The following ISM2 variants were observed in gnomAD, a reference collection of about 807,000 sequenced individuals.
ISM2 encodes isthmin-2.
ISM2 carries 50 observed loss-of-function variants against 58.0 expected under a neutral mutation model. The ratio of observed to expected loss-of-function variants is 0.86; its 90% confidence interval spans 0.69 to 1.09. The LOEUF (loss-of-function observed/expected upper bound fraction) is 1.09. ISM2 is among the 50% of genes least tolerant of loss of function. ISM2 has a pLI of 0.00. For missense variants in ISM2, 723 were observed against 745.0 expected (o/e 0.97, Z 0.34); for synonymous variants, 303 against 312.4 (o/e 0.97, Z 0.32).
rs776082860 is a variant in ISM2 at position 77,475,960 on chromosome 14, G to A, written c.1351C>T (p.Arg451Cys). Residue 451 changes from arginine (R) to cysteine (C), a missense_variant, in exon 7 of 7, where the codon CGC becomes TGC. Transcript: ENST00000342219. This position sits in a 1 kb window ranked among gnomAD's most constrained non-coding sequence, Gnocchi z 4.1. Reference sequence around the variant, plus strand: ...CTGGCATCCCTCCACCGGAAGCTGCGGCCCTGGTGCTCGTCCTGTAGGCTC... The same window carrying A: ...CTGGCATCCCTCCACCGGAAGCTGCAGCCCTGGTGCTCGTCCTGTAGGCTC... The part of the protein sequence containing the change: ...PVSLQDEHQG[R>C]SFRWRDASGP... The A allele has an allele frequency of 3.8e-5, 61 of 1,597,860 alleles. No individual in the cohort carries two copies. In the South Asian group the frequency reaches 4.6e-4, roughly 12 times the overall value.
intron 1 of ISM2, among the ~76,000 whole-genome samples, chr14:77,497,135 C>T (rs1429827971): frequency 6.6e-6 from 1 of 151,526 alleles, no homozygotes; most frequent in Non-Finnish European, 1.5e-5. Flanking sequence ...TTTGGGAGGC[C>T]GAGGCAGGTG....
chr14:77,487,054 C>T (rs543613380), intron 1 of ISM2, among the ~76,000 whole-genome samples: 1 of 151,604 alleles, frequency 6.6e-6, no homozygotes, highest in South Asian at 2.1e-4. Flanking sequence ...CCAGCCTGGC[C>T]AACATGGTGA....
At chr14:77,488,831 G>T (rs2139967407) in intron 1 of ISM2, among the ~76,000 whole-genome samples, 1 of 152,308 alleles carries the variant, frequency 6.6e-6, no homozygotes, top group South Asian at 2.1e-4. Flanking sequence ...TCACTCGGCA[G>T]GTGTATCCTC....
chr14:77,493,787 T>G (rs1038539294), intron 1 of ISM2, among the ~76,000 whole-genome samples: 3 of 151,642 alleles, frequency 2.0e-5, no homozygotes, highest in African/African-American at 7.3e-5. Context: ...TTTCTTTTTT[T>G]CTGAGATGGA....
chr14:77,482,362 C>T lies in ISM2; in HGVS notation c.933G>A (p.Leu311=). The change falls in exon 4 of 7, where the codon CTG becomes CTA. Residue 311 remains leucine (L), a synonymous_variant. Transcript: ENST00000342219. ...CCTTGAAGACCCAATCCCCGGGGGC[C>T]AGCCAGCCCTGGTCCCAGTTGTCTG... ...GTTDNWDQGW[L]APGDWVFKDS... is the part of the protein sequence containing the mutation. The T allele has an allele frequency of 1.2e-6, 2 of 1,614,006 alleles. No individual in the cohort carries two copies. The highest frequency in any genetic ancestry group is 1.7e-6 in the Non-Finnish European group (2 of 1,179,972).
intron 1 of ISM2, among the ~76,000 whole-genome samples, chr14:77,490,629 C>T (rs2079197673): frequency 2.0e-5 from 3 of 152,234 alleles, no homozygotes; most frequent in Admixed American, 2.0e-4. Flanking sequence ...CAGGCAGTGG[C>T]TGCACCTTCT....
chr14:77,498,774 C>G lies in ISM2; in HGVS notation c.20G>C (p.Arg7Pro), dbSNP rs765494267. The G allele has an allele frequency of 4.1e-6, 6 of 1,463,502 alleles. No individual in the cohort carries two copies. The South Asian group carries it at 7.9e-5, about 19-fold the overall frequency. 90.7% of individuals were successfully genotyped at this position (1,463,502 alleles called of 1,614,324 possible). Residue 7 changes from arginine to proline, a missense_variant, in exon 1 of 7, where the codon CGA (arginine) becomes CCA (proline). By Grantham distance (103) the Arg-to-Pro change is moderately radical (BLOSUM62 -2). Transcript: ENST00000342219. ...CAGCACGCAGAGGAGGAGCCCGGCT[C>G]GGTCGCGGAGCGCACGCATCGTCTC... MRALRD[R>P]AGLLLCVLLL...
Position 77,492,000 on chromosome 14 carries a change from C to CTT in ISM2, c.141+6651_141+6652dup, listed in dbSNP as rs537901154. Among the ~76,000 whole-genome samples the CTT allele has an allele frequency of 3.8e-3, 545 of 145,204 alleles. 5 individuals carry two copies. Among genetic ancestry groups the CTT allele is most frequent in the Middle Eastern group, 0.018 (5 of 274 alleles). Reference sequence around the variant, plus strand: ...CGTGAGCCACCGCCCAGCCCCCCACCTTTTTTTTTTTTTAAATAAAGACAG... The same window carrying CTT: ...CGTGAGCCACCGCCCAGCCCCCCACCTTTTTTTTTTTTTTTAAATAAAGACAG... On this transcript the variant is annotated intron_variant, in intron 1 of 6. Coordinates refer to ENST00000342219, the MANE Select transcript of ISM2 (RefSeq NM_199296.3).
intron 1 of ISM2, among the ~76,000 whole-genome samples, chr14:77,487,462 G>A (rs1317097744): frequency 5.9e-5 from 9 of 152,094 alleles, no homozygotes; most frequent in Non-Finnish European, 5.9e-5. Context: ...CCCAGTAGGT[G>A]CTCAAAATGT....
intron 1 of ISM2, among the ~76,000 whole-genome samples, chr14:77,489,358 G>T (rs1268664835): frequency 6.6e-6 from 1 of 152,136 alleles, no homozygotes; most frequent in African/African-American, 2.4e-5. Flanking sequence ...TGGAGACCCA[G>T]CACACAACAG....
intron 6 of ISM2, 24 bp from the exon 7 acceptor site, chr14:77,476,136 G>C: frequency 1.3e-6 from 2 of 1,503,792 alleles, no homozygotes; most frequent in African/African-American, 1.4e-5. Context: ...CAAAGTGCAG[G>C]AGGGAAGCCA....
intron 1 of ISM2, among the ~76,000 whole-genome samples, chr14:77,493,691 A>G (rs2079220910): frequency 6.6e-6 from 1 of 151,840 alleles, no homozygotes. Context: ...CAAACTCCTG[A>G]CCTCAAGTGA....
chr14:77,482,625 T>C lies in ISM2; in HGVS notation c.670A>G (p.Ile224Val). The part of the protein sequence containing the change: ...VVEDPQAEVS[I>V]DLLAEPSNPP... ...TTGCTGGGCTCAGCCAACAGGTCTA[T>C]CGACACCTCGGCCTGGGGGTCCTCC... Residue 224 changes from isoleucine to valine, a missense_variant, in exon 4 of 7, where the codon ATA becomes GTA. Transcript: ENST00000342219. The C allele has an allele frequency of 6.3e-7, 1 of 1,585,362 alleles. No homozygotes were observed. The highest frequency in any genetic ancestry group is 8.6e-7 in the Non-Finnish European group (1 of 1,166,436).
At position 77,498,690 on chromosome 14, in the gene ISM2, C is replaced by T. The variant is rs940774940; in HGVS notation, c.104G>A (p.Arg35His). The change falls in exon 1 of 7, where the codon CGC becomes CAC. Residue 35 changes from arginine (R) to histidine (H), a missense_variant. Arg to His is a conservative substitution (Grantham distance 29). Coordinates refer to ENST00000342219, the MANE Select transcript of ISM2 (RefSeq NM_199296.3). ...LGLPVKKPRL[R>H]GPRPGSLTRL... ...CGTGAGGCTCCCAGGCCGTGGTCCG[C>T]GGAGCCGCGGCTTCTTCACGGGGAG... is the stretch of plus-strand genomic sequence containing the variant. 3 of 1,481,628 alleles carry T rather than the reference C, an allele frequency of 2.0e-6. No individual in the cohort carries two copies. Among genetic ancestry groups the T allele is most frequent in the African/African-American group, 2.9e-5 (2 of 68,210 alleles). The allele number at this position is 1,481,628 out of a possible 1,614,324, so 91.8% of individuals were successfully genotyped here. A position where few individuals can be genotyped will look rare whatever the true frequency, so the allele number is the denominator to read the frequency against.
chr14:77,496,075 C>T lies in ISM2; in HGVS notation c.141+2578G>A, dbSNP rs537734386. On this transcript the variant is annotated intron_variant, in intron 1 of 6. Coordinates refer to ENST00000342219, the MANE Select transcript of ISM2 (RefSeq NM_199296.3). Reference sequence around the variant, plus strand: ...TAAAAAAATACAAAAATTAGCTGGGCGTGGTGGCAGGCATCTGTAATCCCA... The same window carrying T: ...TAAAAAAATACAAAAATTAGCTGGGTGTGGTGGCAGGCATCTGTAATCCCA... Among the ~76,000 whole-genome samples the T allele has an allele frequency of 4.0e-5, 6 of 150,732 alleles. No individual in the cohort carries two copies. The East Asian group carries it at 9.8e-4, about 25-fold the overall frequency.
intron 1 of ISM2, among the ~76,000 whole-genome samples, chr14:77,497,838 G>A (rs923859659): frequency 6.7e-6 from 1 of 149,348 alleles, no homozygotes; most frequent in Non-Finnish European, 1.5e-5. Context: ...AAGGAAAAAC[G>A]GCAAGATGGG....
chr14:77,482,276 T>G, intron 4 of ISM2, 46 bp downstream of exon 4: 1 of 1,459,950 alleles, frequency 6.8e-7, no homozygotes, highest in Non-Finnish European at 9.4e-7. Flanking sequence ...TTCCACTCAG[T>G]ACCTACAGGG....
At chr14:77,484,639 G>C in intron 2 of ISM2, 38 bp downstream of exon 2, 1 of 1,610,740 alleles carries the variant, frequency 6.2e-7, no homozygotes, top group Middle Eastern at 1.7e-4. Flanking sequence ...GGCTGGCCAG[G>C]CAGAGCCAGG....
rs149920201 is a variant in ISM2 at position 77,495,935 on chromosome 14, G to A, written c.141+2718C>T. On this transcript the variant is annotated intron_variant, in intron 1 of 6. Transcript: ENST00000342219. ...GGTATTAAAATGTCATGGGGAGGTC[G>A]GGCGTGGTGGCTGACACCTGTAAGC... 9.2e-5 allele frequency among the ~76,000 whole-genome samples: 14 copies of A among 152,222 alleles called. 1 individual carries two copies. The East Asian group carries it at 2.5e-3, about 27-fold the overall frequency.
Sources: gnomAD v4.1 joint callset for allele counts (sites outside exome capture counted in the v4.1 genomes callset) on GRCh38, gnomAD v4.1.1 for gene constraint, Gnocchi (gnomAD v3.1) non-coding constraint, MANE v1.5 for transcripts, NCBI Gene and HGNC (gene_info 2026-07-23, HGNC 2026-07-21) for gene names.